NRAP: variants seen among roughly 807,000 people sequenced by gnomAD.
NRAP encodes nebulin-related-anchoring protein.
NRAP carries 189 observed loss-of-function variants against 225.9 expected under a neutral mutation model. The observed-to-expected ratio is 0.84, with a 90% CI of 0.74 to 0.94. The LOEUF is 0.94. NRAP is among the 40% of genes least tolerant of loss of function. The pLI is 0.00. For missense variants in NRAP, 2,176 were observed against 2,168.7 expected (o/e 1.00, Z -0.07); for synonymous variants, 769 against 790.7 (o/e 0.97, Z 0.46).
intron 2 of NRAP, 74 bp downstream of exon 2, chr10:113,663,278 T>C: frequency 1.1e-6 from 1 of 881,902 alleles, no homozygotes; most frequent in Non-Finnish European, 1.9e-6. Context: ...TTATATGATT[T>C]GAACGTTTAG....
At chr10:113,626,799 A>G (rs1037183553) in intron 20 of NRAP, among the ~76,000 whole-genome samples, 1 of 152,234 alleles carries the variant, frequency 6.6e-6, no homozygotes, top group Non-Finnish European at 1.5e-5. Context: ...CTGATTTTCC[A>G]GATCACTGAG....
chr10:113,604,791 C>G lies in NRAP; in HGVS notation c.4045G>C (p.Gly1349Arg). The change falls in exon 35 of 42, where the codon GGG becomes CGG. Residue 1349 changes from glycine to arginine, a missense_variant. By Grantham distance (125) the Gly-to-Arg change is moderately radical. Around this residue, in one of 3 missense-constraint regions of NRAP, gnomAD observed 1,708 missense variants for 1,695.5 expected, o/e 1.01. Transcript: ENST00000359988. ...QLQSELQYRR[G>R]ATSSQAQFHL... ...AACTGGGCTTGGCTGCTGGTCGCCC[C>G]CCTCCTGTACTGAAGCTCGCTCTGC... 6.2e-7 allele frequency: 1 copy of G among 1,614,212 alleles called. No homozygotes were observed.
Position 113,595,187 on chromosome 10 carries a change from T to C in NRAP, c.4536+436A>G, listed in dbSNP as rs555556224. Among the ~76,000 whole-genome samples the C allele has an allele frequency of 3.1e-4, 47 of 152,272 alleles. No individual in the cohort carries two copies. The South Asian group carries it at 9.3e-3, about 30-fold the overall frequency. On this transcript the variant is annotated intron_variant, in intron 38 of 41. Transcript: ENST00000359988. The stretch of plus-strand genomic sequence containing the variant: ...TGCATTTGGACGGGATGGGCTACCA[T>C]TGCAGCATCTTTCCAAACTGTGGGG...
At position 113,617,497 on chromosome 10, in the gene NRAP, C is replaced by T. The variant is rs150887232; in HGVS notation, c.2931G>A (p.Pro977=). 28 of 1,612,360 alleles carry T rather than the reference C, an allele frequency of 1.7e-5. No individual in the cohort carries two copies. The highest frequency in any genetic ancestry group is 1.7e-4 in the Middle Eastern group (1 of 6,058). ...AACTAATTCTGGCCTGGACCATCTCCGGAGTGTCTTTAATACTGGTAAACT... is the reference window on the plus strand; with the variant it reads ...AACTAATTCTGGCCTGGACCATCTCTGGAGTGTCTTTAATACTGGTAAACT... ...ALKFTSIKDT[P]EMVQARISYT... The change falls in exon 26 of 42, where the codon CCG becomes CCA. Residue 977 remains proline (P), a synonymous_variant. Coordinates refer to ENST00000359988, the MANE Select transcript of NRAP (RefSeq NM_198060.4).
Position 113,647,148 on chromosome 10 carries a change from G to A in NRAP, c.889-121C>T, listed in dbSNP as rs1395230402. ...GTTCATCCACCTTGGGTATTTCACTGATGTCCATGTGGTAGTTTAAACATT... is the reference window on the plus strand; with the variant it reads ...GTTCATCCACCTTGGGTATTTCACTAATGTCCATGTGGTAGTTTAAACATT... On this transcript the variant is annotated intron_variant, in intron 9 of 41. Transcript: ENST00000359988. 7 of 701,978 alleles carry A rather than the reference G, an allele frequency of 1.0e-5. No homozygotes were observed. In the East Asian group the frequency reaches 1.8e-4, roughly 18 times the overall value. The allele number at this position is 701,978 out of a possible 1,614,324, so 43.5% of individuals were successfully genotyped here.
At position 113,615,718 on chromosome 10, in the gene NRAP, G is replaced by A. The variant is rs755470760; in HGVS notation, c.3072C>T (p.Ile1024=). The part of the protein sequence containing the change: ...VLLAKLNAMN[I]SETRYKESWS... The stretch of plus-strand genomic sequence containing the variant: ...CCCCTTGGGTCAGCCTCACCTCACT[G>A]ATATTCATGGCATTCAGCTTGGCCA... The change falls in exon 27 of 42, where the codon ATC becomes ATT. Residue 1024 remains isoleucine (I), a synonymous_variant. Coordinates refer to ENST00000359988, the MANE Select transcript of NRAP (RefSeq NM_198060.4). The A allele has an allele frequency of 1.3e-5, 20 of 1,593,408 alleles. No individual in the cohort carries two copies. The highest frequency in any genetic ancestry group is 1.3e-5 in the African/African-American group (1 of 74,516).
chr10:113,637,358 G>A (rs1848933213), intron 14 of NRAP, among the ~76,000 whole-genome samples: 1 of 152,228 alleles, frequency 6.6e-6, no homozygotes. Context: ...TCAGAGCTAT[G>A]ATTCAAATCC....
At chr10:113,647,661 C>T (rs1306688562) in intron 9 of NRAP, among the ~76,000 whole-genome samples, 78 of 135,890 alleles carry the variant, frequency 5.7e-4, no homozygotes, top group Non-Finnish European at 8.0e-4. Flanking sequence ...GGTGGTACTG[C>T]CTCCCCCGGT....
At chr10:113,603,350 G>A (rs952050530) in intron 35 of NRAP, among the ~76,000 whole-genome samples, 2 of 152,046 alleles carry the variant, frequency 1.3e-5, no homozygotes, top group Non-Finnish European at 2.9e-5. Context: ...TGGTGCCCCT[G>A]CTCAGGGAAG....
intron 31 of NRAP, among the ~76,000 whole-genome samples, chr10:113,609,435 A>G (rs746435313): frequency 1.3e-4 from 20 of 152,122 alleles, no homozygotes; most frequent in Admixed American, 5.2e-4. Flanking sequence ...CTGAACACCT[A>G]TTACTTCCAG....
chr10:113,596,934 A>G (rs1014060548), intron 37 of NRAP, 152 bp downstream of exon 37: 42 of 555,630 alleles, frequency 7.6e-5, no homozygotes, highest in Non-Finnish European at 1.2e-4. Context: ...TCCAGGTCAT[A>G]GAAAGATTTA....
intron 29 of NRAP, among the ~76,000 whole-genome samples, chr10:113,613,325 A>G (rs1847444048): frequency 6.6e-6 from 1 of 152,140 alleles, no homozygotes; most frequent in African/African-American, 2.4e-5. Context: ...GAAGCTGTGG[A>G]AAGACCATGA....
chr10:113,635,189 G>T (rs924877748), intron 14 of NRAP, among the ~76,000 whole-genome samples: 3 of 152,194 alleles, frequency 2.0e-5, no homozygotes, highest in African/African-American at 7.2e-5. Context: ...TGCATCATAT[G>T]CATCCAATCA....
intron 22 of NRAP, among the ~76,000 whole-genome samples, chr10:113,624,115 G>A (rs1419100): frequency 0.88 from 133,468 of 152,112 alleles, 58,617 homozygotes; most frequent in East Asian, 0.91. Flanking sequence ...TCCAAATGTC[G>A]AGATCTTTCT....
chr10:113,592,187 G>GTCTT lies in NRAP; in HGVS notation c.4644+3_4644+6dup. The GTCTT allele has an allele frequency of 6.4e-7, 1 of 1,572,670 alleles. No homozygotes were observed. The highest frequency in any genetic ancestry group is 8.7e-7 in the Non-Finnish European group (1 of 1,146,246). On this transcript the variant is annotated splice_region_variant and intron_variant, in intron 39 of 41. Transcript: ENST00000359988. ...AGTGACCGCAGGAGAGAACATGGGG[G>GTCTT]TCTTACATCACTGGCGATCTCCCTA...
intron 14 of NRAP, 22 bp downstream of exon 14, chr10:113,640,205 G>C: frequency 1.4e-6 from 2 of 1,380,226 alleles, no homozygotes; most frequent in Non-Finnish European, 2.0e-6. Context: ...AAAGCAGAAA[G>C]AGCTGTTGGA....
At chr10:113,616,212 C>T (rs1847653602) in intron 26 of NRAP, among the ~76,000 whole-genome samples, 1 of 152,158 alleles carries the variant, frequency 6.6e-6, no homozygotes, top group African/African-American at 2.4e-5. Flanking sequence ...TTTCTCCTCC[C>T]TATCTCAATC....
chr10:113,635,243 G>T (rs1006673882), intron 14 of NRAP, among the ~76,000 whole-genome samples: 2 of 152,190 alleles, frequency 1.3e-5, no homozygotes, highest in African/African-American at 4.8e-5. Context: ...CCACTGCAGA[G>T]GGAATGGGAA....
At position 113,595,641 on chromosome 10, in the gene NRAP, A is replaced by C. The variant is rs766411620; in HGVS notation, c.4518T>G (p.Asn1506Lys). The change falls in exon 38 of 42, where the codon AAT (asparagine) becomes AAG (lysine). Residue 1506 changes from asparagine to lysine, a missense_variant. Transcript: ENST00000359988. ...DHPDFTRARL[N>K]ALHLSDKVYR... ...CACTTACGTCACTCAGATGCAGCGCATTGAGGCGAGCTCGGGTGAAATCGG... is the reference window on the plus strand; with the variant it reads ...CACTTACGTCACTCAGATGCAGCGCCTTGAGGCGAGCTCGGGTGAAATCGG... The C allele has an allele frequency of 9.9e-6, 16 of 1,612,338 alleles. No individual in the cohort carries two copies. The highest frequency in any genetic ancestry group is 9.3e-6 in the Non-Finnish European group (11 of 1,178,324).
Sources: allele counts gnomAD v4.1 joint callset (sites outside exome capture counted in the v4.1 genomes callset), GRCh38; gene constraint gnomAD v4.1.1; regional missense constraint gnomAD v4.1.1; transcripts MANE v1.5; gene names NCBI Gene and HGNC (gene_info 2026-07-23, HGNC 2026-07-21).